MYO16: variants seen among roughly 807,000 people sequenced by gnomAD.
The protein encoded by MYO16 is myosin XVI, also known as unconventional myosin-XVI.
MYO16 carries 94 observed loss-of-function variants against 205.3 expected under a neutral mutation model. The observed-to-expected ratio is 0.46, with a 90% CI of 0.39 to 0.54. The LOEUF (loss-of-function observed/expected upper bound fraction) is 0.54. Ranked by LOEUF, MYO16 falls within the 20% of genes least tolerant of loss-of-function variation. MYO16 has a pLI of 0.00. For synonymous variants in MYO16, 988 were observed against 954.0 expected (o/e 1.04, Z -0.66); for missense variants, 2,315 against 2,387.5 (o/e 0.97, Z 0.63).
At chr13:108,540,071 G>A in the MYO16 span, among the ~76,000 whole-genome samples, 1 of 152,086 alleles carries the variant, frequency 6.6e-6, no homozygotes, top group East Asian at 1.9e-4. Context: ...GCAAATGAAT[G>A]ATTCAAGATT....
intron 10 of MYO16, among the ~76,000 whole-genome samples, chr13:108,852,396 G>A (rs1594344442): frequency 1.3e-5 from 2 of 152,144 alleles, no homozygotes; most frequent in African/African-American, 4.8e-5. Flanking sequence ...TTCCCCAGTG[G>A]TTATCATGCC....
chr13:108,812,541 A>C (rs917697772), intron 7 of MYO16, among the ~76,000 whole-genome samples: 1 of 152,158 alleles, frequency 6.6e-6, no homozygotes, highest in Admixed American at 6.5e-5. Flanking sequence ...GGCACATGCA[A>C]GGGCTTTGGT....
At chr13:109,023,617 A>G (rs1197142363) in intron 23 of MYO16, among the ~76,000 whole-genome samples, 43 of 123,658 alleles carry the variant, frequency 3.5e-4, no homozygotes, top group African/African-American at 1.1e-3. Context: ...ATTTATATAT[A>G]CAAATATATA....
chr13:108,858,237 A>C (rs1197165991), intron 11 of MYO16, among the ~76,000 whole-genome samples: 1 of 152,196 alleles, frequency 6.6e-6, no homozygotes. Context: ...CAGAGTTTGA[A>C]CTTCGTATGT....
At chr13:108,837,836 A>T (rs61970401) in intron 9 of MYO16, among the ~76,000 whole-genome samples, 2 of 152,190 alleles carry the variant, frequency 1.3e-5, no homozygotes, top group Non-Finnish European at 2.9e-5. Context: ...AAAGAAAAGT[A>T]TTTATTCTAA....
chr13:109,026,379 G>T (rs1257914004), intron 23 of MYO16, among the ~76,000 whole-genome samples: 1 of 152,020 alleles, frequency 6.6e-6, no homozygotes, highest in East Asian at 1.9e-4. Context: ...ACGGGGGGAG[G>T]TATTGAAGCA....
chr13:108,746,271 G>T (rs550954856), intron 4 of MYO16, among the ~76,000 whole-genome samples: 97 of 152,164 alleles, frequency 6.4e-4, no homozygotes, highest in African/African-American at 2.2e-3. Flanking sequence ...CTCCTCAGTA[G>T]ACTGGACATA....
chr13:109,156,515 A>G (rs1878044129), intron 32 of MYO16, among the ~76,000 whole-genome samples: 1 of 152,206 alleles, frequency 6.6e-6, no homozygotes, highest in Non-Finnish European at 1.5e-5. Flanking sequence ...CCAAACAGCT[A>G]TAGTTTGTTT....
chr13:108,997,408 G>GAGGAAAGGAAAGGAAAGGAA (rs71125358), intron 21 of MYO16, among the ~76,000 whole-genome samples: 18 of 84,192 alleles, frequency 2.1e-4, no homozygotes, highest in South Asian at 4.8e-4. Context: ...GGGAGAGTGG[G>GAGGAAAGGAAAGGAAAGGAA]AGGAAAGGAA....
chr13:108,828,738 G>T (rs1219130575), intron 9 of MYO16, among the ~76,000 whole-genome samples: 2 of 152,094 alleles, frequency 1.3e-5, no homozygotes, highest in East Asian at 3.9e-4. Flanking sequence ...CAAACATGTG[G>T]CCAATGATGG....
At chr13:108,667,746 A>T (rs892728831) in intron 2 of MYO16, among the ~76,000 whole-genome samples, 1 of 152,198 alleles carries the variant, frequency 6.6e-6, no homozygotes, top group Admixed American at 6.5e-5. Context: ...AAAGTAACAA[A>T]ACACAAAAAA....
At chr13:108,904,232 T>C (rs1365248753) in intron 15 of MYO16, among the ~76,000 whole-genome samples, 1 of 152,176 alleles carries the variant, frequency 6.6e-6, no homozygotes, top group Non-Finnish European at 1.5e-5. Flanking sequence ...AGTCCAGTAT[T>C]TTCCCTGATC....
chr13:108,551,113 G>T, the MYO16 span, among the ~76,000 whole-genome samples: 4 of 152,040 alleles, frequency 2.6e-5, no homozygotes, highest in African/African-American at 7.2e-5. Context: ...TTCTTAAATA[G>T]GGGGGTTCTA....
At chr13:108,867,769 AAGAAAT>A (rs557481119) in intron 12 of MYO16, among the ~76,000 whole-genome samples, 122 of 152,338 alleles carry the variant, frequency 8.0e-4, no homozygotes, top group African/African-American at 2.8e-3. Context: ...CATGCAGATG[AAGAAAT>A]AGAGCATTAG....
In MYO16 at chr13:109,140,593, C is replaced by G. The variant is rs1429429139; in HGVS notation, c.4381C>G (p.Leu1461Val). Reference protein sequence around the residue: ...ESVYEEMKCCLPDDGGPGAGS... With the variant: ...ESVYEEMKCCVPDDGGPGAGS... ...CGTGTACGAGGAGATGAAGTGTTGC[C>G]TGCCCGACGACGGCGGCCCGGGCGC... is the stretch of plus-strand genomic sequence containing the variant. Residue 1461 changes from leucine to valine, a missense_variant, in exon 32 of 35, where the codon CTG becomes GTG. Around this residue, in one of 3 missense-constraint regions of MYO16, gnomAD observed 1,097 missense variants for 1,092.0 expected, o/e 1.00. Transcript: ENST00000457511. The surrounding 1 kb of genome is among the most constrained non-coding windows in gnomAD (Gnocchi z 8.0). 1 of 1,524,552 alleles carries G rather than the reference C, an allele frequency of 6.6e-7. No individual in the cohort carries two copies. Among genetic ancestry groups the G allele is most frequent in the Non-Finnish European group, 8.8e-7 (1 of 1,142,350 alleles). 94.4% of individuals were successfully genotyped at this position (1,524,552 alleles called of 1,614,324 possible).
intron 1 of MYO16, among the ~76,000 whole-genome samples, chr13:108,602,031 G>T (rs1465945897): frequency 6.7e-6 from 1 of 148,268 alleles, no homozygotes; most frequent in Non-Finnish European, 1.5e-5. Flanking sequence ...CCCTCATGAT[G>T]AGATTAGTGC....
chr13:108,756,435 G>A (rs546492044), intron 4 of MYO16, among the ~76,000 whole-genome samples: 8 of 151,770 alleles, frequency 5.3e-5, no homozygotes, highest in Admixed American at 5.3e-4. Context: ...CTATGCCCAA[G>A]GTCTAAGAAA....
chr13:108,881,754 T>G (rs1282296453), intron 12 of MYO16, among the ~76,000 whole-genome samples: 1 of 151,200 alleles, frequency 6.6e-6, no homozygotes, highest in Non-Finnish European at 1.5e-5. Flanking sequence ...GAAAAAAGAG[T>G]AAAAAGAAAT....
intron 27 of MYO16, among the ~76,000 whole-genome samples, chr13:109,059,116 G>A (rs1887505845): frequency 6.6e-6 from 1 of 152,054 alleles, no homozygotes. Context: ...CTGGCGTATT[G>A]AACCCCTCAA....
Sources: allele counts gnomAD v4.1 joint callset (sites outside exome capture counted in the v4.1 genomes callset), GRCh38; gene constraint gnomAD v4.1.1; regional missense constraint gnomAD v4.1.1; non-coding constraint Gnocchi (gnomAD v3.1); transcripts MANE v1.5; gene names NCBI Gene and HGNC (gene_info 2026-07-23, HGNC 2026-07-21).